Variants in MAGEA11 observed in about 807,000 individuals in gnomAD.
MAGEA11 encodes the protein melanoma-associated antigen 11.
In MAGEA11, 1 loss-of-function variant was observed where a neutral mutation model predicts 8.4. That is an observed-to-expected ratio of 0.12 (90% CI 0.04 to 0.57). MAGEA11 has a LOEUF of 0.57. Among genes scored for constraint, MAGEA11 ranks in the 20% least tolerant of loss-of-function variants. The pLI, the probability that MAGEA11 is intolerant of heterozygous loss-of-function variation, is 0.91. For synonymous variants in MAGEA11, 127 were observed against 119.3 expected, an observed-to-expected ratio of 1.06 and a Z score of -0.42; for missense variants, 209 against 317.3, an observed-to-expected ratio of 0.66 and a Z score of 2.59.
chrX:149,695,468 C>A (rs1462654893), intron 1 of MAGEA11, among the ~76,000 whole-genome samples: 3 of 111,026 alleles, frequency 2.7e-5, no homozygotes, highest in Non-Finnish European at 5.7e-5. Context: ...GAGAGACAAC[C>A]CACAGATTGA....
chrX:149,696,643 G>A (rs2090331420), intron 1 of MAGEA11, among the ~76,000 whole-genome samples: 1 of 110,743 alleles, frequency 9.0e-6, no homozygotes. Context: ...CAAGCTGGTG[G>A]TGCCCTGCTG....
chrX:149,698,211 A>G (rs1454250546), intron 1 of MAGEA11, among the ~76,000 whole-genome samples: 1 of 111,774 alleles, frequency 8.9e-6, no homozygotes, highest in Non-Finnish European at 1.9e-5. Context: ...AGATGTTGGT[A>G]GGATTGGTCA....
chrX:149,703,360 G>A (rs1400051245), intron 1 of MAGEA11, among the ~76,000 whole-genome samples: 5 of 112,407 alleles, frequency 4.4e-5, no homozygotes, highest in Admixed American at 3.8e-4. Flanking sequence ...TGAAGTGCAA[G>A]CAGTGGTGTG....
intron 1 of MAGEA11, among the ~76,000 whole-genome samples, chrX:149,699,200 G>C (rs781860145): frequency 1.8e-5 from 2 of 111,198 alleles, no homozygotes; most frequent in Non-Finnish European, 3.8e-5. Flanking sequence ...ATATTATTTC[G>C]CATGTCATGT....
intron 1 of MAGEA11, among the ~76,000 whole-genome samples, chrX:149,694,698 T>C (rs1557360413): frequency 9.0e-6 from 1 of 111,706 alleles, no homozygotes; most frequent in Non-Finnish European, 1.9e-5. Flanking sequence ...ATTTCTTTTC[T>C]TTCTCTTTCT....
Position 149,716,133 on chromosome X carries a change from C to T in MAGEA11, c.647C>T (p.Ser216Phe), listed in dbSNP as rs902243994. 1 of 1,212,085 alleles carries T rather than the reference C, an allele frequency of 8.3e-7. No homozygotes were observed. The highest frequency in any genetic ancestry group is 1.1e-6 in the Non-Finnish European group (1 of 895,604). ...TCGCCTGACCTGATAGACCCTGAGT[C>T]CTTTTCCCAAGATATACTACATGAC... is the stretch of plus-strand genomic sequence containing the variant. ...STSPDLIDPE[S>F]FSQDILHDKI... The change falls in exon 5 of 5, where the codon TCC becomes TTC. Residue 216 changes from serine to phenylalanine, a missense_variant. Physicochemically the swap from Ser to Phe is radical, Grantham distance 155. This residue lies in a region of MAGEA11 where 78 missense variants were observed against 178.8 expected (regional missense o/e 0.44). Coordinates refer to ENST00000355220, the MANE Select transcript of MAGEA11 (RefSeq NM_005366.5).
chrX:149,706,311 C>A (rs782427282), intron 1 of MAGEA11, among the ~76,000 whole-genome samples: 1 of 111,933 alleles, frequency 8.9e-6, no homozygotes, highest in African/African-American at 3.2e-5. Flanking sequence ...ACCCATTAGT[C>A]TTCTTAAACT....
intron 1 of MAGEA11, among the ~76,000 whole-genome samples, chrX:149,691,439 C>T (rs1402369995): frequency 9.0e-6 from 1 of 111,423 alleles, no homozygotes; most frequent in Admixed American, 9.6e-5. Context: ...TTGTTGAGTG[C>T]TAGATAGTTT....
intron 1 of MAGEA11, among the ~76,000 whole-genome samples, chrX:149,701,964 C>CTG (rs1557361073): frequency 1.8e-5 from 2 of 111,978 alleles, no homozygotes; most frequent in African/African-American, 6.5e-5. Flanking sequence ...GTTTTGGTTA[C>CTG]CGTAGCCTTG....
intron 1 of MAGEA11, among the ~76,000 whole-genome samples, chrX:149,693,143 C>T (rs782261524): frequency 1.8e-5 from 2 of 112,166 alleles, no homozygotes; most frequent in Non-Finnish European, 3.8e-5. Context: ...CTGTTTATTG[C>T]TTTTCTTCAT....
At chrX:149,696,287 C>G (rs186340691) in intron 1 of MAGEA11, among the ~76,000 whole-genome samples, 1 of 109,253 alleles carries the variant, frequency 9.2e-6, no homozygotes, top group African/African-American at 3.3e-5. Context: ...TGGGCTTCCT[C>G]CAGGCAGATT....
At position 149,716,700 on chromosome X, in the gene MAGEA11, A is replaced by G. The variant is rs1557362560; in HGVS notation, c.1214A>G (p.Asn405Ser). 3.3e-6 allele frequency: 4 copies of G among 1,211,187 alleles called. No homozygotes were observed. The Admixed American group carries it at 8.7e-5, about 26-fold the overall frequency. The change falls in exon 5 of 5, where the codon AAT becomes AGT. Residue 405 changes from asparagine (N) to serine (S), a missense_variant. Asn to Ser is a conservative substitution (Grantham distance 46). Coordinates refer to ENST00000355220, the MANE Select transcript of MAGEA11 (RefSeq NM_005366.5). ...SKMKVLEYIA[N>S]ANGRDPTSYP... Reference sequence around the variant, plus strand: ...ATGAAAGTTCTTGAGTACATAGCCAATGCCAATGGGAGGGATCCCACTTCT... The same window carrying G: ...ATGAAAGTTCTTGAGTACATAGCCAGTGCCAATGGGAGGGATCCCACTTCT...
upstream of MAGEA11, chrX:149,712,047 G>A: frequency 2.7e-6 from 2 of 752,299 alleles, no homozygotes; most frequent in Non-Finnish European, 3.1e-6. Context: ...CGTGGGGGCC[G>A]GATGTGACCT....
intron 1 of MAGEA11, among the ~76,000 whole-genome samples, chrX:149,707,003 A>G (rs2064624209): frequency 8.9e-6 from 1 of 112,769 alleles, no homozygotes; most frequent in Non-Finnish European, 1.9e-5. Flanking sequence ...TCACTTACCC[A>G]GGATGTGAGG....
At chrX:149,708,803 C>T (rs1647139696), upstream of MAGEA11, among the ~76,000 whole-genome samples, 2 of 110,826 alleles carry the variant, frequency 1.8e-5, no homozygotes, top group African/African-American at 6.6e-5. Context: ...GCATTTGAGA[C>T]GTGGGGTAGG....
intron 1 of MAGEA11, among the ~76,000 whole-genome samples, chrX:149,702,331 T>C (rs1339459242): frequency 8.9e-6 from 1 of 111,898 alleles, no homozygotes; most frequent in Non-Finnish European, 1.9e-5. Flanking sequence ...CTTTCTATAT[T>C]TTGGGGTCTG....
At chrX:149,698,469 T>C (rs2090338921) in intron 1 of MAGEA11, among the ~76,000 whole-genome samples, 1 of 111,912 alleles carries the variant, frequency 8.9e-6, no homozygotes, top group Admixed American at 9.5e-5. Flanking sequence ...CAAATCTCAA[T>C]AATGATACAT....
At chrX:149,708,020 C>A (rs1269468935), upstream of MAGEA11, among the ~76,000 whole-genome samples, 3 of 112,180 alleles carry the variant, frequency 2.7e-5, no homozygotes, top group African/African-American at 9.7e-5. Flanking sequence ...GAATATTAGA[C>A]CTTTGTCAGA....
At chrX:149,711,164 T>G, upstream of MAGEA11, among the ~76,000 whole-genome samples, 1 of 112,083 alleles carries the variant, frequency 8.9e-6, no homozygotes. Flanking sequence ...AAGATTGGCT[T>G]TTTAAAAATT....
Sources: allele counts gnomAD v4.1 joint callset (sites outside exome capture counted in the v4.1 genomes callset), GRCh38; gene constraint gnomAD v4.1.1; regional missense constraint gnomAD v4.1.1; transcripts MANE v1.5; gene names NCBI Gene and HGNC (gene_info 2026-07-23, HGNC 2026-07-21).